Variants in ADAMTS3 observed in about 807,000 individuals in gnomAD.
ADAMTS3 encodes A disintegrin and metalloproteinase with thrombospondin motifs 3.
Under a neutral mutation model 129.0 loss-of-function variants are expected in ADAMTS3, and 73 were observed. The observed-to-expected ratio is 0.57, with a 90% CI of 0.47 to 0.69. ADAMTS3 has a LOEUF of 0.69. ADAMTS3 is among the 30% of genes least tolerant of loss of function. The pLI, the probability that ADAMTS3 is intolerant of heterozygous loss-of-function variation, is 0.00. For synonymous variants in ADAMTS3, 477 were observed against 510.8 expected (o/e 0.93, Z 0.89); for missense variants, 1,457 against 1,514.5 (o/e 0.96, Z 0.63).
At chr4:72,288,918 G>GCACAGACA in intron 20 of ADAMTS3, 50 bp from the exon 21 acceptor site, 2 of 564,420 alleles carry the variant, frequency 3.5e-6, no homozygotes. Flanking sequence ...CCAAGACCAT[G>GCACAGACA]CACATACACA....
At chr4:72,475,732 CAA>C (rs1317645492) in intron 3 of ADAMTS3, among the ~76,000 whole-genome samples, 1 of 151,268 alleles carries the variant, frequency 6.6e-6, no homozygotes, top group Non-Finnish European at 1.5e-5. Flanking sequence ...GAACATATAC[CAA>C]GAGAGAATAT....
At chr4:72,320,908 T>C in intron 6 of ADAMTS3, 38 bp from the exon 7 acceptor site, 1 of 1,586,004 alleles carries the variant, frequency 6.3e-7, no homozygotes, top group Non-Finnish European at 8.6e-7. Flanking sequence ...CACCTGACAA[T>C]TTCCCAAAGG....
intron 3 of ADAMTS3, among the ~76,000 whole-genome samples, chr4:72,416,660 A>G (rs1409766151): frequency 6.6e-6 from 1 of 152,224 alleles, no homozygotes. Flanking sequence ...CAAAAGTTAT[A>G]TAATTATTCC....
At chr4:72,542,188 G>A (rs770072154) in intron 3 of ADAMTS3, among the ~76,000 whole-genome samples, 10 of 151,952 alleles carry the variant, frequency 6.6e-5, no homozygotes, top group Admixed American at 2.6e-4. Flanking sequence ...GTTTTGAGAC[G>A]GAGTCTTGCT....
At chr4:72,353,535 G>A (rs1010571668) in intron 4 of ADAMTS3, among the ~76,000 whole-genome samples, 5 of 151,916 alleles carry the variant, frequency 3.3e-5, no homozygotes, top group African/African-American at 1.2e-4. Context: ...GTAGCAAGCT[G>A]GAGTCAGCAG....
intron 16 of ADAMTS3, among the ~76,000 whole-genome samples, chr4:72,305,547 T>C (rs552059630): frequency 1.3e-5 from 2 of 152,192 alleles, no homozygotes; most frequent in African/African-American, 4.8e-5. Flanking sequence ...AAATATAAGC[T>C]TGTCAAATGA....
intron 4 of ADAMTS3, among the ~76,000 whole-genome samples, chr4:72,394,270 G>A (rs77833553): frequency 1.3e-5 from 2 of 150,320 alleles, no homozygotes; most frequent in Non-Finnish European, 1.5e-5. Flanking sequence ...CAACAGAGAG[G>A]AAAAAAAAAA....
intron 3 of ADAMTS3, among the ~76,000 whole-genome samples, chr4:72,534,913 A>T (rs1472418804): frequency 6.6e-6 from 1 of 152,184 alleles, no homozygotes; most frequent in Non-Finnish European, 1.5e-5. Context: ...CTCACAGTGA[A>T]CCAATATGGC....
At chr4:72,306,666 T>G (rs1719096863) in intron 15 of ADAMTS3, among the ~76,000 whole-genome samples, 1 of 151,980 alleles carries the variant, frequency 6.6e-6, no homozygotes, top group Non-Finnish European at 1.5e-5. Context: ...ATGGGACTAT[T>G]TTAACCAAAT....
chr4:72,521,161 C>A (rs7436502), intron 3 of ADAMTS3, among the ~76,000 whole-genome samples: 2 of 152,032 alleles, frequency 1.3e-5, no homozygotes, highest in Non-Finnish European at 2.9e-5. Context: ...CCACCCCCAG[C>A]TAATTTTTGT....
At chr4:72,447,897 A>G (rs1718299203) in intron 3 of ADAMTS3, among the ~76,000 whole-genome samples, 1 of 151,780 alleles carries the variant, frequency 6.6e-6, no homozygotes, top group Non-Finnish European at 1.5e-5. Flanking sequence ...AGACTGCACC[A>G]ACATTCTCCC....
intron 3 of ADAMTS3, among the ~76,000 whole-genome samples, chr4:72,513,670 C>T (rs1720374755): frequency 6.6e-6 from 1 of 152,126 alleles, no homozygotes; most frequent in Admixed American, 6.6e-5. Context: ...ACTAGCATTC[C>T]CTCTTTCCTG....
At chr4:72,535,379 T>A (rs1417578775) in intron 3 of ADAMTS3, among the ~76,000 whole-genome samples, 1 of 152,178 alleles carries the variant, frequency 6.6e-6, no homozygotes, top group Non-Finnish European at 1.5e-5. Flanking sequence ...TCAGGCTTCG[T>A]ACGATCAGCT....
chr4:72,333,958 A>G (rs1333934724), intron 5 of ADAMTS3, among the ~76,000 whole-genome samples: 3 of 147,076 alleles, frequency 2.0e-5, no homozygotes, highest in Non-Finnish European at 4.4e-5. Context: ...TACTTACACC[A>G]TTGTCCTGCC....
chr4:72,441,016 T>C (rs1578681955), intron 3 of ADAMTS3, among the ~76,000 whole-genome samples: 1 of 151,728 alleles, frequency 6.6e-6, no homozygotes, highest in Non-Finnish European at 1.5e-5. Context: ...GAGATCAAAA[T>C]ATAGGACATA....
At chr4:72,293,444 A>AG (rs1364798918) in intron 19 of ADAMTS3, among the ~76,000 whole-genome samples, 1 of 152,166 alleles carries the variant, frequency 6.6e-6, no homozygotes, top group Non-Finnish European at 1.5e-5. Context: ...TGAAAACAGA[A>AG]GGTTACGTAA....
intron 4 of ADAMTS3, among the ~76,000 whole-genome samples, chr4:72,374,961 G>A (rs977029857): frequency 3.3e-5 from 5 of 152,074 alleles, no homozygotes; most frequent in Non-Finnish European, 7.4e-5. Context: ...GTATTGATCC[G>A]TATTCTCTTT....
intron 4 of ADAMTS3, 32 bp downstream of exon 4, chr4:72,414,783 A>G: frequency 7.5e-7 from 1 of 1,334,894 alleles, no homozygotes; most frequent in African/African-American, 1.5e-5. Context: ...TTAAAATTAT[A>G]TTTCATTATT....
At chr4:72,528,578 T>C (rs1319466892) in intron 3 of ADAMTS3, among the ~76,000 whole-genome samples, 3 of 146,256 alleles carry the variant, frequency 2.1e-5, no homozygotes, top group Non-Finnish European at 4.5e-5. Context: ...TACGTGAAAG[T>C]AGATGAGATG....
Sources: allele counts gnomAD v4.1 joint callset (sites outside exome capture counted in the v4.1 genomes callset), GRCh38; gene constraint gnomAD v4.1.1; transcripts MANE v1.5; gene names NCBI Gene and HGNC (gene_info 2026-07-23, HGNC 2026-07-21).